The following MYO7A variants were observed in gnomAD, a reference collection of about 807,000 sequenced individuals.
MYO7A encodes unconventional myosin-VIIa.
MYO7A carries 210 observed loss-of-function variants against 263.8 expected under a neutral mutation model. The ratio of observed to expected loss-of-function variants is 0.80; its 90% CI spans 0.71 to 0.89. MYO7A has a LOEUF of 0.89. MYO7A is among the 40% of genes least tolerant of loss of function. The pLI, the probability that MYO7A is intolerant of heterozygous loss-of-function variation, is 0.00. For missense variants in MYO7A, 2,820 were observed against 2,968.3 expected (o/e 0.95, Z 1.16); for synonymous variants, 1,239 against 1,197.3 (o/e 1.03, Z -0.72).
chr11:77,203,021 AGCGATGGGGCGTT>A, intron 37 of MYO7A, 26 bp from the exon 38 acceptor site: 1 of 1,540,014 alleles, frequency 6.5e-7, no homozygotes, highest in Non-Finnish European at 8.8e-7. Flanking sequence ...CGGGGCTGCC[AGCGATGGGGCGTT>A]GCTGACGGTC....
intron 15 of MYO7A, 87 bp from the exon 16 acceptor site, chr11:77,172,661 C>T (rs1555076788): frequency 1.3e-6 from 2 of 1,515,004 alleles, no homozygotes; most frequent in Non-Finnish European, 1.8e-6. Flanking sequence ...CCCCGCTGAC[C>T]TCCCCTCCCG....
At chr11:77,130,152 C>A (rs1555045661) in intron 1 of MYO7A, among the ~76,000 whole-genome samples, 2 of 152,260 alleles carry the variant, frequency 1.3e-5, no homozygotes, top group African/African-American at 4.8e-5. Flanking sequence ...CAGCCCTTGA[C>A]CTTCTGCTCA....
In MYO7A at chr11:77,160,062, G is replaced by T; in HGVS notation, c.1081-101G>T. Reference sequence around the variant, plus strand: ...GGGGCAGGCGTGCTTAGTGGAGGCAGTGGTCTGGGCCAGGCCAGTGCCGGA... The same window carrying T: ...GGGGCAGGCGTGCTTAGTGGAGGCATTGGTCTGGGCCAGGCCAGTGCCGGA... On this transcript the variant is annotated intron_variant, in intron 10 of 48. Coordinates refer to ENST00000409709, the MANE Select transcript of MYO7A (RefSeq NM_000260.4). The T allele has an allele frequency of 2.0e-6, 3 of 1,466,288 alleles. No homozygotes were observed. In the South Asian group the frequency reaches 4.1e-5, roughly 20 times the overall value. The allele number at this position is 1,466,288 out of a possible 1,614,324, so 90.8% of individuals were successfully genotyped here. A position where few individuals can be genotyped will look rare whatever the true frequency, so the allele number is the denominator to read the frequency against.
intron 1 of MYO7A, 68 bp from the exon 2 acceptor site, chr11:77,130,521 C>T (rs1168537452): frequency 6.1e-6 from 8 of 1,306,410 alleles, no homozygotes; most frequent in South Asian, 3.9e-5. Flanking sequence ...GCCCAGGTGA[C>T]CCCAGCCAGG....
chr11:77,175,024 C>G, intron 17 of MYO7A, 110 bp downstream of exon 17: 1 of 1,373,640 alleles, frequency 7.3e-7, no homozygotes. Context: ...TCTGCTTGAC[C>G]TCTCAGGTGC....
chr11:77,176,478 T>C (rs1193116901), intron 18 of MYO7A, among the ~76,000 whole-genome samples: 1 of 152,182 alleles, frequency 6.6e-6, no homozygotes, highest in East Asian at 1.9e-4. Context: ...GTGAGTTGCC[T>C]GAAACCAGGC....
rs112151042 is a variant in MYO7A at position 77,205,393 on chromosome 11, C to T, written c.5481-69C>T. 3.6e-4 allele frequency: 536 copies of T among 1,508,148 alleles called. 1 individual carries two copies. Among genetic ancestry groups the T allele is most frequent in the East Asian group, 1.0e-3 (41 of 40,494 alleles). The allele number at this position is 1,508,148 out of a possible 1,614,324, so 93.4% of individuals were successfully genotyped here. A position where few individuals can be genotyped will look rare whatever the true frequency, so the allele number is the denominator to read the frequency against. On this transcript the variant is annotated intron_variant, in intron 39 of 48. Coordinates refer to ENST00000409709, the MANE Select transcript of MYO7A (RefSeq NM_000260.4). ...CTGAGGGGTACATGGCCCCCTCACCCGGGGGTGCACAGGTCCTGTGACTCC... is the reference window on the plus strand; with the variant it reads ...CTGAGGGGTACATGGCCCCCTCACCTGGGGGTGCACAGGTCCTGTGACTCC...
intron 27 of MYO7A, among the ~76,000 whole-genome samples, chr11:77,188,231 CTG>C (rs1555089458): frequency 6.6e-6 from 1 of 152,172 alleles, no homozygotes; most frequent in East Asian, 1.9e-4. Flanking sequence ...TCTCACTAGT[CTG>C]TGGCAAGGTG....
At chr11:77,195,419 C>T (rs767744754) in intron 32 of MYO7A, among the ~76,000 whole-genome samples, 1 of 152,232 alleles carries the variant, frequency 6.6e-6, no homozygotes, top group Non-Finnish European at 1.5e-5. Context: ...TTGGCCCTCA[C>T]ATGCCGGCAG....
rs782711428 is a variant in MYO7A, at chr11:77,179,842, C to T, written c.2475C>T (p.Arg825=). 1.5e-4 allele frequency: 225 copies of T among 1,542,874 alleles called. No individual in the cohort carries two copies. Among genetic ancestry groups the T allele is most frequent in the Admixed American group, 7.8e-4 (40 of 51,042 alleles). Residue 825 remains arginine (R), a synonymous_variant, in exon 21 of 49, where the codon CGC becomes CGT. Transcript: ENST00000409709. ...TCATCCAGTTCCAGGCCCGCTGCCG[C>T]GCCTATCTGGTGCGCAAGGCCTTCC... is the stretch of plus-strand genomic sequence containing the variant. ...QRIIQFQARC[R]AYLVRKAFRH... is the part of the protein sequence containing the mutation.
chr11:77,213,204 T>C (rs1225409730), intron 47 of MYO7A, among the ~76,000 whole-genome samples, 169 bp downstream of exon 47: 1 of 152,304 alleles, frequency 6.6e-6, no homozygotes, highest in East Asian at 1.9e-4. Flanking sequence ...TACCCAACGC[T>C]TGCTCCACCA....
intron 22 of MYO7A, among the ~76,000 whole-genome samples, chr11:77,181,107 G>A (rs1955142973): frequency 6.6e-6 from 1 of 152,202 alleles, no homozygotes; most frequent in African/African-American, 2.4e-5. Flanking sequence ...ATGGCCGTGG[G>A]ATGTCTGGGT....
rs890315857 is a variant in MYO7A, at chr11:77,205,394, G to C, written c.5481-68G>C. On this transcript the variant is annotated intron_variant, in intron 39 of 48. Transcript: ENST00000409709. ...TGAGGGGTACATGGCCCCCTCACCC[G>C]GGGGTGCACAGGTCCTGTGACTCCC... 4.0e-6 allele frequency: 6 copies of C among 1,510,010 alleles called. No homozygotes were observed. The East Asian group carries it at 1.5e-4, about 37-fold the overall frequency. 93.5% of individuals were successfully genotyped at this position (1,510,010 alleles called of 1,614,324 possible).
At chr11:77,179,351 T>C (rs1954956022) in intron 20 of MYO7A, among the ~76,000 whole-genome samples, 2 of 152,126 alleles carry the variant, frequency 1.3e-5, no homozygotes, top group South Asian at 4.2e-4. Context: ...CCTTCTGGAG[T>C]GTTTTTGGGG....
At chr11:77,159,420 T>A in intron 9 of MYO7A, 27 bp from the exon 10 acceptor site, 49 of 318,218 alleles carry the variant, frequency 1.5e-4, no homozygotes, top group Non-Finnish European at 2.8e-4. Context: ...CTCCCTCCCC[T>A]GATGCTGTGC....
At position 77,162,218 on chromosome 11, in the gene MYO7A, G is replaced by T. The variant is rs1555069431; in HGVS notation, c.1442G>T (p.Ser481Ile). 11 of 1,583,130 alleles carry T rather than the reference G, an allele frequency of 6.9e-6. No homozygotes were observed. Among genetic ancestry groups the T allele is most frequent in the Non-Finnish European group, 9.5e-6 (11 of 1,163,978 alleles). ...KLEQEEYDLE[S>I]IDWLHIEFTD... The stretch of plus-strand genomic sequence containing the variant: ...GAGCAGGAGGAATATGACCTGGAGA[G>T]CATTGACTGGCTGCACATCGAGTTC... The change falls in exon 13 of 49, where the codon AGC (serine) becomes ATC (isoleucine). Residue 481 changes from serine to isoleucine, a missense_variant. Ser to Ile is a moderately radical substitution (Grantham distance 142). Transcript: ENST00000409709.
rs375528761 is a variant in MYO7A, at chr11:77,162,231, G to A, written c.1455G>A (p.Leu485=). Residue 485 remains leucine, a synonymous_variant, in exon 13 of 49, where the codon CTG becomes CTA. Transcript: ENST00000409709. ...EEYDLESIDW[L]HIEFTDNQDA... is the part of the protein sequence containing the mutation. ...ATGACCTGGAGAGCATTGACTGGCT[G>A]CACATCGAGTTCACTGACAACCAGG... is the stretch of plus-strand genomic sequence containing the variant. The A allele has an allele frequency of 3.4e-5, 54 of 1,573,676 alleles. No individual in the cohort carries two copies. The highest frequency in any genetic ancestry group is 4.3e-5 in the Non-Finnish European group (50 of 1,158,822).
intron 34 of MYO7A, 60 bp downstream of exon 34, chr11:77,198,681 C>T: frequency 1.9e-6 from 3 of 1,604,388 alleles, no homozygotes; most frequent in Non-Finnish European, 2.6e-6. Flanking sequence ...GCTGGAGCTT[C>T]CCTGCGGGTC....
intron 31 of MYO7A, chr11:77,193,905 G>A (rs1350386788): frequency 2.4e-6 from 1 of 422,740 alleles, no homozygotes; most frequent in African/African-American, 2.0e-5. Flanking sequence ...TGGTAATGGT[G>A]ATGGAGGCAG....
Sources: allele counts gnomAD v4.1 joint callset (sites outside exome capture counted in the v4.1 genomes callset), GRCh38; gene constraint gnomAD v4.1.1; transcripts MANE v1.5; gene names NCBI Gene and HGNC (gene_info 2026-07-23, HGNC 2026-07-21).